CELF2: variants seen among roughly 807,000 people sequenced by gnomAD.
CELF2 encodes the protein CUGBP Elav-like family member 2, also known as CUG triplet repeat RNA-binding protein 2.
Under a neutral mutation model 62.6 loss-of-function variants are expected in CELF2, and 8 were observed. That is an observed-to-expected ratio of 0.13 (90% confidence interval 0.07 to 0.23). The LOEUF (loss-of-function observed/expected upper bound fraction) is 0.23, where lower values mean the gene tolerates loss of function less well. Among genes scored for constraint, CELF2 ranks in the 10% least tolerant of loss-of-function variants. The probability of loss-of-function intolerance (pLI) is 1.00; values close to 1 mark genes in which losing one functional copy is unlikely to be tolerated. For missense variants in CELF2, 333 were observed against 671.0 expected (o/e 0.50, Z 5.56); for synonymous variants, 258 against 250.0 (o/e 1.03, Z -0.30).
chr10:11,051,409 G>A (rs1436226894), intron 1 of CELF2, among the ~76,000 whole-genome samples: 1 of 152,166 alleles, frequency 6.6e-6, no homozygotes, highest in African/African-American at 2.4e-5. Flanking sequence ...AAATCTGGCA[G>A]TATCCTTAGC....
At position 11,062,780 on chromosome 10, in the gene CELF2, G is replaced by T. The variant is rs182049562; in HGVS notation, c.74+44617G>T. Among the ~76,000 whole-genome samples, 26 of 152,334 alleles carry T rather than the reference G, an allele frequency of 1.7e-4. No individual in the cohort carries two copies. The East Asian group carries it at 4.6e-3, about 27-fold the overall frequency. On this transcript the variant is annotated intron_variant, in intron 1 of 12. Transcript: ENST00000633077. Reference sequence around the variant, plus strand: ...AAACTTTGTTAATAAAGTAGTGGCAGGGTTTGTGAGGATTGACTCCAATTT... The same window carrying T: ...AAACTTTGTTAATAAAGTAGTGGCATGGTTTGTGAGGATTGACTCCAATTT...
chr10:11,251,398 T>TCCA (rs1168653215), intron 4 of CELF2, among the ~76,000 whole-genome samples: 5 of 151,232 alleles, frequency 3.3e-5, no homozygotes, highest in Non-Finnish European at 7.4e-5. Flanking sequence ...CTGTCCAGTG[T>TCCA]CCACTGTGGT....
chr10:11,023,417 G>A (rs1158952824), intron 1 of CELF2, among the ~76,000 whole-genome samples: 1 of 152,208 alleles, frequency 6.6e-6, no homozygotes, highest in Non-Finnish European at 1.5e-5. Flanking sequence ...ACCTATGTGG[G>A]AAACAAAAAC....
At chr10:11,127,685 A>G (rs1196496483) in intron 1 of CELF2, among the ~76,000 whole-genome samples, 2 of 152,130 alleles carry the variant, frequency 1.3e-5, no homozygotes, top group African/African-American at 2.4e-5. Context: ...GGCTGCATAC[A>G]TGTCTTCTTT....
rs985543682 is a variant in CELF2, at chr10:11,334,347, A to G, written c.*5294A>G. On this transcript the variant is annotated 3_prime_UTR_variant, in exon 13 of 13. Transcript: ENST00000633077. ...TTGCTTCTGTCTCCAATATTAAACCATTTTCCTAATACTTGTTTCTCTCTC... is the reference window on the plus strand; with the variant it reads ...TTGCTTCTGTCTCCAATATTAAACCGTTTTCCTAATACTTGTTTCTCTCTC... 5 of 152,388 alleles carry G rather than the reference A, an allele frequency of 3.3e-5. No homozygotes were observed. The highest frequency in any genetic ancestry group is 5.9e-5 in the Non-Finnish European group (4 of 67,996). The allele number at this position is 152,388 out of a possible 1,614,324, so 9.4% of individuals were successfully genotyped here.
chr10:10,853,972 C>T (rs2059555783), intron 1 of CELF2, among the ~76,000 whole-genome samples: 1 of 152,166 alleles, frequency 6.6e-6, no homozygotes, highest in African/African-American at 2.4e-5. Context: ...ACTTTTCTAT[C>T]CCCATATACC....
chr10:11,131,898 T>G (rs927323868), intron 1 of CELF2, among the ~76,000 whole-genome samples: 1 of 152,124 alleles, frequency 6.6e-6, no homozygotes, highest in African/African-American at 2.4e-5. Context: ...AATCAAAGAG[T>G]TGAGTTTCTG....
intron 1 of CELF2, among the ~76,000 whole-genome samples, chr10:10,889,719 G>T (rs2062001018): frequency 6.6e-6 from 1 of 152,204 alleles, no homozygotes; most frequent in Non-Finnish European, 1.5e-5. Context: ...GCATATACCT[G>T]CTGGTCAAGA....
At chr10:11,257,922 C>A (rs1406426103) in intron 5 of CELF2, 50 bp downstream of exon 5, 6 of 1,605,682 alleles carry the variant, frequency 3.7e-6, no homozygotes, top group Non-Finnish European at 5.1e-6. Flanking sequence ...AATTGGAGCT[C>A]TGTGTCACAG....
At chr10:10,608,149 C>T in the CELF2 span, among the ~76,000 whole-genome samples, 1 of 151,932 alleles carries the variant, frequency 6.6e-6, no homozygotes, top group African/African-American at 2.4e-5. Context: ...AACAAACAAA[C>T]AAACAAACAA....
intron 1 of CELF2, among the ~76,000 whole-genome samples, chr10:10,813,733 T>C (rs1459180626): frequency 1.3e-5 from 2 of 152,242 alleles, no homozygotes; most frequent in Non-Finnish European, 2.9e-5. Flanking sequence ...TTATTCCAAA[T>C]GGCTGTATTC....
chr10:10,638,559 C>A, the CELF2 span, among the ~76,000 whole-genome samples: 1 of 152,028 alleles, frequency 6.6e-6, no homozygotes, highest in South Asian at 2.1e-4. Flanking sequence ...AAAGAAACAC[C>A]TATGTAGAGA....
chr10:10,788,159 A>G, the CELF2 span, among the ~76,000 whole-genome samples: 37 of 152,196 alleles, frequency 2.4e-4, no homozygotes, highest in Non-Finnish European at 4.7e-4. Context: ...GCTTCAGACC[A>G]GTAAGAAATG....
At chr10:11,275,172 G>T in intron 8 of CELF2, 52 bp downstream of exon 8, 1 of 1,585,008 alleles carries the variant, frequency 6.3e-7, no homozygotes, top group Non-Finnish European at 8.7e-7. Context: ...TCAGAATTTG[G>T]GGTTGGTTCC....
the CELF2 span, among the ~76,000 whole-genome samples, chr10:10,464,634 A>G: frequency 9.2e-5 from 14 of 152,174 alleles, no homozygotes; most frequent in African/African-American, 2.7e-4. Context: ...GAGTGTTAAC[A>G]AGATTCTGAG....
chr10:10,491,479 C>T, the CELF2 span, among the ~76,000 whole-genome samples: 13 of 152,150 alleles, frequency 8.5e-5, no homozygotes, highest in African/African-American at 2.4e-4. Flanking sequence ...TACAAACATA[C>T]GCTGGCAGCC....
the CELF2 span, among the ~76,000 whole-genome samples, chr10:10,559,486 C>G: frequency 6.6e-6 from 1 of 152,108 alleles, no homozygotes. Context: ...TTCAAAACAC[C>G]ACCAAAGGTT....
At chr10:10,483,889 G>T in the CELF2 span, among the ~76,000 whole-genome samples, 3 of 145,134 alleles carry the variant, frequency 2.1e-5, no homozygotes, top group South Asian at 2.2e-4. Context: ...TCTCTCTCTC[G>T]TCTCTCTCTC....
rs1010954376 is a variant in CELF2, at chr10:11,159,109, G to A, written c.75-6377G>A. Among the ~76,000 whole-genome samples the A allele has an allele frequency of 2.0e-5, 3 of 152,286 alleles. No individual in the cohort carries two copies. In the South Asian group the frequency reaches 6.2e-4, roughly 32 times the overall value. ...ATGTGGATTCACTAGCTGATGTGTG[G>A]CCATCTCAGAGATGGTTTGGGGCCT... On this transcript the variant is annotated intron_variant, in intron 1 of 12. Coordinates refer to ENST00000633077, the MANE Select transcript of CELF2 (RefSeq NM_001326342.2). This position sits in a 1 kb window ranked among gnomAD's most constrained non-coding sequence, Gnocchi z 5.0.
Sources: gnomAD v4.1 joint callset for allele counts (sites outside exome capture counted in the v4.1 genomes callset) on GRCh38, gnomAD v4.1.1 for gene constraint, Gnocchi (gnomAD v3.1) non-coding constraint, MANE v1.5 for transcripts, NCBI Gene and HGNC (gene_info 2026-07-23, HGNC 2026-07-21) for gene names.